The following LCMT1 variants were observed in gnomAD, a reference collection of about 807,000 sequenced individuals.
LCMT1 encodes the protein leucine carboxyl methyltransferase 1.
LCMT1 carries 32 observed loss-of-function variants against 47.7 expected under a neutral mutation model. That is an observed-to-expected ratio of 0.67 (90% CI 0.51 to 0.90). The LOEUF (loss-of-function observed/expected upper bound fraction) is 0.90, where lower values mean the gene tolerates loss of function less well. LCMT1 is among the 40% of genes least tolerant of loss of function. LCMT1 has a pLI of 0.00. For missense variants in LCMT1, 375 were observed against 415.2 expected (o/e 0.90, Z 0.84); for synonymous variants, 152 against 149.7 (o/e 1.02, Z -0.11).
intron 9 of LCMT1, among the ~76,000 whole-genome samples, chr16:25,173,713 T>G (rs533488395): frequency 1.1e-4 from 16 of 142,110 alleles, no homozygotes; most frequent in Non-Finnish European, 2.3e-4. Flanking sequence ...AACTTTTTTT[T>G]TGTTTTTTTT....
intron 2 of LCMT1, among the ~76,000 whole-genome samples, chr16:25,131,462 A>G (rs919955563): frequency 1.3e-5 from 2 of 152,272 alleles, no homozygotes; most frequent in Admixed American, 1.3e-4. Flanking sequence ...AAAATACAAT[A>G]GAAATGATCT....
At chr16:25,171,175 G>A in intron 9 of LCMT1, among the ~76,000 whole-genome samples, 1 of 152,144 alleles carries the variant, frequency 6.6e-6, no homozygotes, top group South Asian at 2.1e-4. Flanking sequence ...CGGGGGCAGA[G>A]GTTGCAGTGA....
chr16:25,153,562 G>T (rs1961143875), intron 5 of LCMT1, among the ~76,000 whole-genome samples: 1 of 122,478 alleles, frequency 8.2e-6, no homozygotes, highest in Non-Finnish European at 1.7e-5. Context: ...TTTCAACACT[G>T]TTGCATGGGG....
At chr16:25,119,992 C>T (rs1290987576) in intron 1 of LCMT1, among the ~76,000 whole-genome samples, 1 of 151,720 alleles carries the variant, frequency 6.6e-6, no homozygotes, top group Non-Finnish European at 1.5e-5. Flanking sequence ...AATCCCGTCT[C>T]TACTAAAAAT....
At chr16:25,139,292 C>T (rs1960603487) in intron 3 of LCMT1, among the ~76,000 whole-genome samples, 1 of 152,184 alleles carries the variant, frequency 6.6e-6, no homozygotes, top group Non-Finnish European at 1.5e-5. Flanking sequence ...AGTGGTGGAG[C>T]TGGGGTTTGA....
chr16:25,157,583 C>T (rs756571017), intron 5 of LCMT1, among the ~76,000 whole-genome samples: 11 of 151,956 alleles, frequency 7.2e-5, no homozygotes, highest in African/African-American at 1.9e-4. Flanking sequence ...CTGATTAGGA[C>T]GATAAAGTAT....
rs528335230 is a variant in LCMT1, at chr16:25,165,841, C to G, written c.690+1123C>G. On this transcript the variant is annotated intron_variant, in intron 7 of 10. Transcript: ENST00000399069. Reference sequence around the variant, plus strand: ...TGACCCTCTGTGCCTGTTTCTTCATCTGAAAATAATAGTCCCTACTTCATA... The same window carrying G: ...TGACCCTCTGTGCCTGTTTCTTCATGTGAAAATAATAGTCCCTACTTCATA... 2.6e-3 allele frequency among the ~76,000 whole-genome samples: 394 copies of G among 152,184 alleles called. 1 individual carries two copies. The highest frequency in any genetic ancestry group is 4.3e-3 in the Non-Finnish European group (292 of 68,010).
intron 2 of LCMT1, 160 bp from the exon 3 acceptor site, chr16:25,132,242 T>C: frequency 1.2e-6 from 1 of 836,100 alleles, no homozygotes. Flanking sequence ...AAAAAAAATT[T>C]GAAAGTTGCT....
At chr16:25,113,585 T>C (rs935909918) in intron 1 of LCMT1, among the ~76,000 whole-genome samples, 1 of 152,230 alleles carries the variant, frequency 6.6e-6, no homozygotes, top group East Asian at 1.9e-4. Flanking sequence ...TTGATTAAAT[T>C]AATAAATACA....
chr16:25,166,765 AG>A (rs2141706911), intron 7 of LCMT1, among the ~76,000 whole-genome samples: 1 of 152,160 alleles, frequency 6.6e-6, no homozygotes, highest in Admixed American at 6.6e-5. Flanking sequence ...TTTCCTGCCC[AG>A]GTTCCTGTGT....
intron 5 of LCMT1, among the ~76,000 whole-genome samples, chr16:25,158,083 C>T (rs967741427): frequency 3.3e-5 from 5 of 152,264 alleles, no homozygotes; most frequent in Admixed American, 6.5e-5. Flanking sequence ...GGGCACTTTA[C>T]AGCTTCACCT....
At chr16:25,120,306 C>A (rs1385812225) in intron 1 of LCMT1, among the ~76,000 whole-genome samples, 24 of 150,854 alleles carry the variant, frequency 1.6e-4, no homozygotes, top group Admixed American at 5.9e-4. Flanking sequence ...TCACTGCAAC[C>A]TCCGCCTCCC....
intron 4 of LCMT1, 109 bp downstream of exon 4, chr16:25,140,356 G>A (rs1160301731): frequency 2.8e-5 from 23 of 828,724 alleles, no homozygotes; most frequent in South Asian, 1.2e-4. Flanking sequence ...GTTGCCTTCC[G>A]TTCACTGCCC....
intron 4 of LCMT1, 122 bp downstream of exon 4, chr16:25,140,369 C>T (rs1473723682): frequency 5.4e-6 from 4 of 735,076 alleles, no homozygotes; most frequent in East Asian, 2.7e-5. Context: ...CACTGCCCCC[C>T]ACCAACTTTT....
At chr16:25,170,545 G>A (rs950537224) in intron 8 of LCMT1, among the ~76,000 whole-genome samples, 169 bp from the exon 9 acceptor site, 23 of 151,784 alleles carry the variant, frequency 1.5e-4, no homozygotes, top group African/African-American at 4.4e-4. Flanking sequence ...GGGGAGGATC[G>A]CTTGAGCCCG....
At chr16:25,164,357 A>C (rs911743260) in intron 6 of LCMT1, among the ~76,000 whole-genome samples, 1 of 152,170 alleles carries the variant, frequency 6.6e-6, no homozygotes, top group Non-Finnish European at 1.5e-5. Flanking sequence ...TCCACCACAC[A>C]TGCTCAACAT....
chr16:25,163,400 C>T (rs1397576532), intron 6 of LCMT1, among the ~76,000 whole-genome samples: 2 of 145,734 alleles, frequency 1.4e-5, no homozygotes, highest in East Asian at 2.0e-4. Flanking sequence ...ACCCAGGAGG[C>T]GGAAGTTGCA....
At chr16:25,128,590 A>T (rs948207041) in intron 2 of LCMT1, 24 bp downstream of exon 2, 3 of 1,524,588 alleles carry the variant, frequency 2.0e-6, no homozygotes, top group Non-Finnish European at 2.7e-6. Flanking sequence ...TCCCTCCCCA[A>T]CAGCACCTCA....
chr16:25,165,668 C>T (rs1961568996), intron 7 of LCMT1, among the ~76,000 whole-genome samples: 1 of 151,986 alleles, frequency 6.6e-6, no homozygotes, highest in Non-Finnish European at 1.5e-5. Flanking sequence ...CAGGCGTGCA[C>T]CATCACACCC....
Sources: allele counts gnomAD v4.1 joint callset (sites outside exome capture counted in the v4.1 genomes callset), GRCh38; gene constraint gnomAD v4.1.1; transcripts MANE v1.5; gene names NCBI Gene and HGNC (gene_info 2026-07-23, HGNC 2026-07-21).